The following RYR3 variants were observed in gnomAD, a reference collection of about 807,000 sequenced individuals.
RYR3 encodes the protein brain ryanodine receptor-calcium release channel.
A neutral mutation model predicts 584.3 loss-of-function variants in RYR3; 207 were observed. The ratio of observed to expected loss-of-function variants is 0.35; its 90% CI spans 0.32 to 0.40. The LOEUF is 0.40. RYR3 is among the 10% of genes least tolerant of loss of function. The pLI is 1.00. For synonymous variants in RYR3, 2,416 were observed against 2,248.5 expected (o/e 1.07, Z -2.11); for missense variants, 5,616 against 6,089.2 (o/e 0.92, Z 2.59).
At chr15:33,551,886 A>G (rs2056703737) in intron 10 of RYR3, among the ~76,000 whole-genome samples, 1 of 152,230 alleles carries the variant, frequency 6.6e-6, no homozygotes, top group Non-Finnish European at 1.5e-5. Flanking sequence ...AAGCAACAGG[A>G]AAGTCGTAAG....
chr15:33,803,479 CA>C (rs1441182215), intron 69 of RYR3, among the ~76,000 whole-genome samples: 1 of 152,136 alleles, frequency 6.6e-6, no homozygotes, highest in African/African-American at 2.4e-5. Context: ...CATCTACCTG[CA>C]GAAAGTCAAT....
rs368319812 is a variant in RYR3, at chr15:33,738,501, G to A, written c.7567G>A (p.Gly2523Arg). The change falls in exon 50 of 104, where the codon GGA becomes AGA. Residue 2523 changes from glycine to arginine, a missense_variant. Physicochemically the swap from Gly to Arg is moderately radical, Grantham distance 125 (BLOSUM62 -2). Around this residue, in one of 9 missense-constraint regions of RYR3, gnomAD observed 1,280 missense variants for 1,426.2 expected, o/e 0.90. Transcript: ENST00000634891. ...QCWKYYCLPS[G>R]WGSYGLAVEE... ...TTGGAAGTATTACTGCCTGCCTTCAGGATGGGGGAGCTACGGGCTAGCTGT... is the reference window on the plus strand; with the variant it reads ...TTGGAAGTATTACTGCCTGCCTTCAAGATGGGGGAGCTACGGGCTAGCTGT... 58 of 1,613,992 alleles carry A rather than the reference G, an allele frequency of 3.6e-5. No homozygotes were observed. The highest frequency in any genetic ancestry group is 4.9e-5 in the Non-Finnish European group (58 of 1,179,882).
rs1476034005 is a variant in RYR3 at position 33,412,649 on chromosome 15, T to C, written c.52-60770T>C. Among the ~76,000 whole-genome samples the C allele has an allele frequency of 6.6e-6, 1 of 152,114 alleles. No individual in the cohort carries two copies. Among genetic ancestry groups the C allele is most frequent in the Admixed American group, 6.5e-5 (1 of 15,270 alleles). On this transcript the variant is annotated intron_variant, in intron 1 of 103. Transcript: ENST00000634891. The surrounding 1 kb of genome is among the most constrained non-coding windows in gnomAD (Gnocchi z 4.3). ...GCAGCAATGGAGACCAGGCCCAGTA[T>C]TGGAGATGGGCTGGTTTGGTTGTAA...
At chr15:33,538,732 G>A (rs911449533) in intron 5 of RYR3, among the ~76,000 whole-genome samples, 1 of 152,168 alleles carries the variant, frequency 6.6e-6, no homozygotes, top group Non-Finnish European at 1.5e-5. Flanking sequence ...TTCTGCAGCA[G>A]GAATTGGCTT....
intron 19 of RYR3, among the ~76,000 whole-genome samples, chr15:33,621,886 G>A (rs144678336): frequency 3.3e-5 from 5 of 152,230 alleles, no homozygotes; most frequent in Admixed American, 1.3e-4. Flanking sequence ...CTACCAGAAC[G>A]TTCCAGTGAA....
At chr15:33,731,929 C>T (rs1332366618) in intron 48 of RYR3, among the ~76,000 whole-genome samples, 1 of 152,144 alleles carries the variant, frequency 6.6e-6, no homozygotes, top group African/African-American at 2.4e-5. Context: ...CAGGCTTTAC[C>T]CATTACGGTT....
chr15:33,625,608 A>G lies in RYR3; in HGVS notation c.2574+1585A>G, dbSNP rs183468340. Reference sequence around the variant, plus strand: ...GAAAAAAACATTTTAATCACCTGGTATGGAGTTCACAAAGGAATGTGGCTC... The same window carrying G: ...GAAAAAAACATTTTAATCACCTGGTGTGGAGTTCACAAAGGAATGTGGCTC... On this transcript the variant is annotated intron_variant, in intron 20 of 103. Coordinates refer to ENST00000634891, the MANE Select transcript of RYR3 (RefSeq NM_001036.6). Among the ~76,000 whole-genome samples, 6 of 152,326 alleles carry G rather than the reference A, an allele frequency of 3.9e-5. No homozygotes were observed. The East Asian group carries it at 1.2e-3, about 29-fold the overall frequency.
At chr15:33,666,328 T>C (rs748116092) in intron 36 of RYR3, among the ~76,000 whole-genome samples, 11 of 152,270 alleles carry the variant, frequency 7.2e-5, no homozygotes, top group Middle Eastern at 3.4e-3. Context: ...TCTAATACGG[T>C]ATGTCTAGGG....
intron 3 of RYR3, among the ~76,000 whole-genome samples, chr15:33,514,792 G>T (rs1016227665): frequency 1.3e-5 from 2 of 151,998 alleles, no homozygotes; most frequent in Non-Finnish European, 2.9e-5. Context: ...ACGAGGTCAG[G>T]AGATCGAGAC....
At chr15:33,357,401 T>C (rs904338754) in intron 1 of RYR3, among the ~76,000 whole-genome samples, 4 of 152,172 alleles carry the variant, frequency 2.6e-5, no homozygotes, top group Non-Finnish European at 4.4e-5. Context: ...GGTATCACTC[T>C]CCTCTCTAGT....
chr15:33,665,907 C>T (rs2152713310), intron 36 of RYR3, among the ~76,000 whole-genome samples: 1 of 152,346 alleles, frequency 6.6e-6, no homozygotes, highest in South Asian at 2.1e-4. Flanking sequence ...AAGTCAGTAA[C>T]TCAAGAAATT....
At chr15:33,602,889 G>A (rs572809379) in intron 17 of RYR3, among the ~76,000 whole-genome samples, 1 of 151,840 alleles carries the variant, frequency 6.6e-6, no homozygotes, top group African/African-American at 2.4e-5. Context: ...TGGACTATAG[G>A]TGTGCACCAC....
intron 34 of RYR3, 143 bp downstream of exon 34, chr15:33,660,566 C>T (rs754712913): frequency 6.3e-5 from 37 of 591,648 alleles, no homozygotes; most frequent in Non-Finnish European, 9.7e-5. Flanking sequence ...GCCTCAGTTT[C>T]TATTCCTTCC....
chr15:33,539,950 T>G (rs1333829052), intron 6 of RYR3, among the ~76,000 whole-genome samples: 3 of 151,030 alleles, frequency 2.0e-5, no homozygotes, highest in East Asian at 3.9e-4. Context: ...TCAGGGGGAG[T>G]AGAGGTGGAA....
Position 33,311,726 on chromosome 15 carries a change from T to C in RYR3, c.51+630T>C, listed in dbSNP as rs1967334790. Among the ~76,000 whole-genome samples the C allele has an allele frequency of 6.6e-6, 1 of 152,218 alleles. No individual in the cohort carries two copies. Among genetic ancestry groups the C allele is most frequent in the African/African-American group, 2.4e-5 (1 of 41,456 alleles). Reference sequence around the variant, plus strand: ...CTGACTTGACTGACTGCCTGTCGTGTGTTCGAGAGCTGTGGCTTCTGCTCC... The same window carrying C: ...CTGACTTGACTGACTGCCTGTCGTGCGTTCGAGAGCTGTGGCTTCTGCTCC... On this transcript the variant is annotated intron_variant, in intron 1 of 103. Transcript: ENST00000634891. The surrounding 1 kb of genome is among the most constrained non-coding windows in gnomAD (Gnocchi z 4.4).
At chr15:33,669,227 C>CAA in intron 36 of RYR3, 127 bp from the exon 37 acceptor site, 1 of 587,774 alleles carries the variant, frequency 1.7e-6, no homozygotes, top group South Asian at 3.4e-5. Context: ...GCCACTTTTA[C>CAA]CAAAAAAAAA....
chr15:33,629,207 C>T (rs1337702031), intron 21 of RYR3, among the ~76,000 whole-genome samples: 1 of 152,138 alleles, frequency 6.6e-6, no homozygotes, highest in Admixed American at 6.5e-5. Flanking sequence ...CAGGGTCTGT[C>T]GTGTAGTACA....
rs749374315 is a variant in RYR3 at position 33,838,360 on chromosome 15, C to T, written c.12380C>T (p.Ala4127Val). The T allele has an allele frequency of 8.9e-5, 143 of 1,613,780 alleles. No homozygotes were observed. Among genetic ancestry groups the T allele is most frequent in the Non-Finnish European group, 1.1e-4 (130 of 1,179,870 alleles). ...DEDSSYVLEI[A>V]GEEEEDGSLE... Reference sequence around the variant, plus strand: ...GATTCTTCTTACGTGTTAGAAATTGCGGGTGAAGAGGAAGAAGACGGGTCT... The same window carrying T: ...GATTCTTCTTACGTGTTAGAAATTGTGGGTGAAGAGGAAGAAGACGGGTCT... The change falls in exon 89 of 104, where the codon GCG becomes GTG. Residue 4127 changes from alanine to valine, a missense_variant. Physicochemically the swap from Ala to Val is moderately conservative, Grantham distance 64. This residue lies in a region of RYR3 where 258 missense variants were observed against 297.3 expected (regional missense o/e 0.87). Coordinates refer to ENST00000634891, the MANE Select transcript of RYR3 (RefSeq NM_001036.6).
intron 42 of RYR3, among the ~76,000 whole-genome samples, chr15:33,706,375 A>C (rs112528264): frequency 6.6e-4 from 100 of 152,256 alleles, no homozygotes; most frequent in African/African-American, 2.2e-3. Context: ...CCACTTAACA[A>C]TAACTTTCCA....
Sources: allele counts gnomAD v4.1 joint callset (sites outside exome capture counted in the v4.1 genomes callset), GRCh38; gene constraint gnomAD v4.1.1; regional missense constraint gnomAD v4.1.1; non-coding constraint Gnocchi (gnomAD v3.1); transcripts MANE v1.5; gene names NCBI Gene and HGNC (gene_info 2026-07-23, HGNC 2026-07-21).